Variants in LRP5 observed in about 807,000 individuals in gnomAD.
The protein encoded by LRP5 is low-density lipoprotein receptor-related protein 5.
A neutral mutation model predicts 154.1 loss-of-function variants in LRP5; 62 were observed. The observed-to-expected ratio is 0.40, with a 90% CI of 0.33 to 0.50. The LOEUF is 0.50. Among genes scored for constraint, LRP5 ranks in the 20% least tolerant of loss-of-function variants. The pLI is 0.55. For synonymous variants in LRP5, 966 were observed against 1,011.5 expected, an observed-to-expected ratio of 0.96 and a Z score of 0.85; for missense variants, 1,915 against 2,336.7, an observed-to-expected ratio of 0.82 and a Z score of 3.72.
intron 8 of LRP5, chr11:68,404,247 C>T: frequency 1.9e-6 from 1 of 518,450 alleles, no homozygotes; most frequent in Non-Finnish European, 3.8e-6. Flanking sequence ...CTGGAGAGAG[C>T]AGCATCCAGG....
In LRP5 at chr11:68,447,469, C is replaced by G. The variant is rs568628976; in HGVS notation, c.4586+936C>G. Among the ~76,000 whole-genome samples, 1 of 152,208 alleles carries G rather than the reference C, an allele frequency of 6.6e-6. No homozygotes were observed. Among genetic ancestry groups the G allele is most frequent in the Non-Finnish European group, 1.5e-5 (1 of 68,000 alleles). Reference sequence around the variant, plus strand: ...TGCAGCCTCCATTTCCACCCCACTCCGGGTCGGGCCACCTCCCTGATGCCT... The same window carrying G: ...TGCAGCCTCCATTTCCACCCCACTCGGGGTCGGGCCACCTCCCTGATGCCT... On this transcript the variant is annotated intron_variant, in intron 22 of 22. Transcript: ENST00000294304. This position sits in a 1 kb window ranked among gnomAD's most constrained non-coding sequence, Gnocchi z 4.3.
At chr11:68,377,565 C>T (rs1226197301) in intron 5 of LRP5, among the ~76,000 whole-genome samples, 1 of 152,214 alleles carries the variant, frequency 6.6e-6, no homozygotes, top group East Asian at 1.9e-4. Context: ...CCACCACTTA[C>T]CCCTGGGGGC....
rs1299244059 is a variant in LRP5, at chr11:68,409,067, A to ATAT, written c.2092-847_2092-846insTAT. Among the ~76,000 whole-genome samples the ATAT allele has an allele frequency of 9.2e-3, 406 of 44,098 alleles. 2 individuals carry two copies. Among genetic ancestry groups the ATAT allele is most frequent in the Middle Eastern group, 0.011 (1 of 90 alleles). 28.9% of individuals were successfully genotyped at this position (44,098 alleles called of 152,430 possible). A position where few individuals can be genotyped will look rare whatever the true frequency, so the allele number is the denominator to read the frequency against. Reference sequence around the variant, plus strand: ...TTATCTGGGGAAAAAAAAAAAAAAAAAAAAAAATATATATATATATATATA... The same window carrying ATAT: ...TTATCTGGGGAAAAAAAAAAAAAAAATATAAAAAAATATATATATATATATATA... On this transcript the variant is annotated intron_variant, in intron 9 of 22. Transcript: ENST00000294304.
At chr11:68,416,179 A>G (rs1260033431) in intron 12 of LRP5, 149 bp from the exon 13 acceptor site, 1 of 704,112 alleles carries the variant, frequency 1.4e-6, no homozygotes, top group African/African-American at 1.7e-5. Flanking sequence ...CGCACCCCCA[A>G]GAGACAGCCC....
chr11:68,400,788 T>TA (rs2098652229), intron 7 of LRP5, among the ~76,000 whole-genome samples: 1 of 152,146 alleles, frequency 6.6e-6, no homozygotes, highest in Non-Finnish European at 1.5e-5. Context: ...TGGCAGCTCA[T>TA]ACCCGTAATC....
intron 1 of LRP5, among the ~76,000 whole-genome samples, chr11:68,334,354 A>G (rs2098604505): frequency 6.6e-6 from 1 of 152,222 alleles, no homozygotes; most frequent in African/African-American, 2.4e-5. Flanking sequence ...GGTGACTGAC[A>G]GCAGAGGCTA....
At chr11:68,305,048 T>A in the LRP5 span, among the ~76,000 whole-genome samples, 1 of 152,104 alleles carries the variant, frequency 6.6e-6, no homozygotes, top group Admixed American at 6.5e-5. Flanking sequence ...GAGAAGAACA[T>A]GAGATCTGGG....
At chr11:68,446,657 CAG>C (rs2098681598) in intron 22 of LRP5, 124 bp downstream of exon 22, 1 of 845,128 alleles carries the variant, frequency 1.2e-6, no homozygotes, top group Admixed American at 2.0e-5. Context: ...GTGCCGGGCC[CAG>C]CCCTGCCTCC....
intron 1 of LRP5, among the ~76,000 whole-genome samples, chr11:68,336,296 A>G (rs1334271399): frequency 6.6e-6 from 1 of 152,210 alleles, no homozygotes; most frequent in Non-Finnish European, 1.5e-5. Context: ...CTCACTGTCC[A>G]AATCTAGGAA....
chr11:68,391,456 C>T (rs2098646276), intron 7 of LRP5, among the ~76,000 whole-genome samples: 2 of 152,230 alleles, frequency 1.3e-5, no homozygotes, highest in South Asian at 2.1e-4. Context: ...CCATCGGGGT[C>T]ACCTTTGCTC....
At chr11:68,322,311 A>C (rs149832771) in intron 1 of LRP5, among the ~76,000 whole-genome samples, 2 of 152,322 alleles carry the variant, frequency 1.3e-5, no homozygotes, top group East Asian at 3.9e-4. Context: ...ATTCAGTGAA[A>C]GCCTAGATTC....
At chr11:68,421,448 C>T (rs900373372) in intron 13 of LRP5, among the ~76,000 whole-genome samples, 11 of 152,102 alleles carry the variant, frequency 7.2e-5, no homozygotes, top group African/African-American at 1.7e-4. Flanking sequence ...CCACCCTCCA[C>T]GGTGAGCCTG....
intron 12 of LRP5, among the ~76,000 whole-genome samples, chr11:68,414,579 A>G (rs1023068600): frequency 2.0e-5 from 3 of 152,146 alleles, no homozygotes; most frequent in African/African-American, 7.2e-5. Flanking sequence ...CTTTGTTCTC[A>G]TGTCAGTGAT....
chr11:68,339,186 G>GT (rs2095368411), intron 1 of LRP5, among the ~76,000 whole-genome samples: 1 of 150,716 alleles, frequency 6.6e-6, no homozygotes, highest in Non-Finnish European at 1.5e-5. Flanking sequence ...TTTTGTTTTT[G>GT]TTTTTTTGAG....
chr11:68,321,164 T>A (rs1565314799), intron 1 of LRP5, among the ~76,000 whole-genome samples: 1 of 151,658 alleles, frequency 6.6e-6, no homozygotes, highest in Non-Finnish European at 1.5e-5. Flanking sequence ...ATCCATTCAT[T>A]GTAAATGCTG....
At chr11:68,374,164 G>T (rs2098636028) in intron 5 of LRP5, among the ~76,000 whole-genome samples, 1 of 152,226 alleles carries the variant, frequency 6.6e-6, no homozygotes, top group African/African-American at 2.4e-5. Flanking sequence ...GGGGGCCACT[G>T]TCGAGTCTGA....
upstream of LRP5, among the ~76,000 whole-genome samples, chr11:68,308,542 C>T (rs58529904): frequency 6.6e-6 from 1 of 152,144 alleles, no homozygotes; most frequent in African/African-American, 2.4e-5. Context: ...GAAGTGGAAG[C>T]TCAGCACATC....
intron 5 of LRP5, among the ~76,000 whole-genome samples, chr11:68,369,837 C>T (rs114875269): frequency 0.02 from 3,112 of 152,228 alleles, 114 homozygotes; most frequent in African/African-American, 0.072. Flanking sequence ...AAATAACTTG[C>T]CCAGGCTACC....
chr11:68,329,065 T>C (rs2098601325), intron 1 of LRP5, among the ~76,000 whole-genome samples: 1 of 152,216 alleles, frequency 6.6e-6, no homozygotes, highest in Admixed American at 6.5e-5. Flanking sequence ...TAGTTGGATT[T>C]GAAGGACAGC....
Sources: allele counts gnomAD v4.1 joint callset (sites outside exome capture counted in the v4.1 genomes callset), GRCh38; gene constraint gnomAD v4.1.1; non-coding constraint Gnocchi (gnomAD v3.1); transcripts MANE v1.5; gene names NCBI Gene and HGNC (gene_info 2026-07-23, HGNC 2026-07-21).